The following MBOAT2 variants were observed in gnomAD, a reference collection of about 807,000 sequenced individuals.
MBOAT2 encodes membrane bound glycerophospholipid O-acyltransferase 2.
In MBOAT2, 28 loss-of-function variants were observed where a neutral mutation model predicts 63.4. The observed-to-expected ratio is 0.44, with a 90% CI of 0.33 to 0.61. The LOEUF is 0.61. Among genes scored for constraint, MBOAT2 ranks in the 20% least tolerant of loss-of-function variants. MBOAT2 has a pLI of 0.03. For missense variants in MBOAT2, 470 were observed against 605.8 expected (o/e 0.78, Z 2.35); for synonymous variants, 211 against 215.6 (o/e 0.98, Z 0.19).
intron 1 of MBOAT2, among the ~76,000 whole-genome samples, chr2:8,961,991 G>T (rs1278592066): frequency 6.6e-6 from 1 of 152,094 alleles, no homozygotes; most frequent in Non-Finnish European, 1.5e-5. Context: ...AGAGGGGACT[G>T]TCCTGCAGTC....
rs1191980202 is a variant in MBOAT2 at position 8,954,637 on chromosome 2, G to C, written c.221+3860C>G. On this transcript the variant is annotated intron_variant, in intron 2 of 12. Transcript: ENST00000305997. ...ATTCCAGATGCTTGGAAATCTGCCTGGGCATGGAACAGACAGGATACCCTT... is the reference window on the plus strand; with the variant it reads ...ATTCCAGATGCTTGGAAATCTGCCTCGGCATGGAACAGACAGGATACCCTT... 2.0e-5 allele frequency among the ~76,000 whole-genome samples: 3 copies of C among 152,202 alleles called. No homozygotes were observed. In the South Asian group the frequency reaches 6.2e-4, roughly 31 times the overall value.
intron 11 of MBOAT2, chr2:8,861,220 G>C (rs1173505620): frequency 6.6e-6 from 1 of 152,320 alleles, no homozygotes; most frequent in African/African-American, 2.4e-5. Context: ...CTGCATTTGT[G>C]AAAGACAAAC....
At chr2:8,860,793 G>T in intron 11 of MBOAT2, 29 bp from the exon 12 acceptor site, 1 of 1,518,174 alleles carries the variant, frequency 6.6e-7, no homozygotes, top group Non-Finnish European at 9.0e-7. Flanking sequence ...AACATTTGCT[G>T]TATCTTTAAA....
At chr2:8,861,372 T>C (rs888160348) in intron 11 of MBOAT2, among the ~76,000 whole-genome samples, 7 of 152,178 alleles carry the variant, frequency 4.6e-5, no homozygotes, top group Non-Finnish European at 1.0e-4. Context: ...GTGGTAGAAC[T>C]TGAACACCAG....
chr2:8,862,942 T>C lies in MBOAT2; in HGVS notation c.1053-220A>G, dbSNP rs1194128892. ...GTTAATTCTCATCTTCTTATTGGTATATATAGTATATATATTGGTATATAT... is the reference window on the plus strand; with the variant it reads ...GTTAATTCTCATCTTCTTATTGGTACATATAGTATATATATTGGTATATAT... On this transcript the variant is annotated intron_variant, in intron 10 of 12. Coordinates refer to ENST00000305997, the MANE Select transcript of MBOAT2 (RefSeq NM_138799.4). This position sits in a 1 kb window ranked among gnomAD's most constrained non-coding sequence, Gnocchi z 4.3. Among the ~76,000 whole-genome samples the C allele has an allele frequency of 1.3e-5, 2 of 151,092 alleles. No homozygotes were observed. Among genetic ancestry groups the C allele is most frequent in the Non-Finnish European group, 3.0e-5 (2 of 67,362 alleles).
chr2:8,922,730 G>C (rs1346542578), intron 3 of MBOAT2, among the ~76,000 whole-genome samples: 1 of 152,162 alleles, frequency 6.6e-6, no homozygotes, highest in Non-Finnish European at 1.5e-5. Context: ...CTTTCCCCCA[G>C]GTCCTCTCAG....
At chr2:8,912,395 GAAA>G (rs1665849172) in intron 3 of MBOAT2, among the ~76,000 whole-genome samples, 3 of 144,562 alleles carry the variant, frequency 2.1e-5, no homozygotes, top group African/African-American at 2.6e-5. Flanking sequence ...AAGAAAGAAA[GAAA>G]GAAAGAAAGA....
chr2:8,987,800 T>C (rs551899439), intron 1 of MBOAT2, among the ~76,000 whole-genome samples: 5 of 152,172 alleles, frequency 3.3e-5, no homozygotes, highest in Non-Finnish European at 7.3e-5. Context: ...TGAGCCCAAT[T>C]TTGTTTGAAC....
At chr2:8,883,893 A>G (rs1235982655) in intron 5 of MBOAT2, among the ~76,000 whole-genome samples, 2 of 152,010 alleles carry the variant, frequency 1.3e-5, no homozygotes, top group African/African-American at 4.8e-5. Flanking sequence ...TAAAAAGAAA[A>G]CCATGCCTCA....
chr2:8,997,798 G>A (rs1672411630), intron 1 of MBOAT2, among the ~76,000 whole-genome samples: 1 of 152,166 alleles, frequency 6.6e-6, no homozygotes, highest in Non-Finnish European at 1.5e-5. Context: ...GCACAAGGCT[G>A]GCAGAGTCTG....
intron 3 of MBOAT2, among the ~76,000 whole-genome samples, chr2:8,912,897 C>T (rs1048338728): frequency 5.3e-5 from 8 of 152,050 alleles, no homozygotes; most frequent in Admixed American, 1.3e-4. Flanking sequence ...CAAGACTAAG[C>T]AAAAAGGACA....
At chr2:8,943,555 T>C (rs954323895) in intron 2 of MBOAT2, among the ~76,000 whole-genome samples, 17 of 152,298 alleles carry the variant, frequency 1.1e-4, no homozygotes, top group African/African-American at 3.4e-4. Context: ...CTCAGGATTA[T>C]AGCTTTCTTC....
chr2:8,854,223 T>C lies in MBOAT2; in HGVS notation c.*4456A>G, dbSNP rs1293443361. The C allele has an allele frequency of 6.6e-6, 1 of 152,204 alleles. No individual in the cohort carries two copies. The highest frequency in any genetic ancestry group is 2.4e-5 in the African/African-American group (1 of 41,446). The allele number at this position is 152,204 out of a possible 1,614,324, so 9.4% of individuals were successfully genotyped here. On this transcript the variant is annotated 3_prime_UTR_variant, in exon 13 of 13. Coordinates refer to ENST00000305997, the MANE Select transcript of MBOAT2 (RefSeq NM_138799.4). ...AAATTTCAGGGTGTATTTCTCTCCT[T>C]AAATGCAAATCTTTTGCTTCAGCAT...
At position 8,886,057 on chromosome 2, in the gene MBOAT2, T is replaced by C. The variant is rs534008629; in HGVS notation, c.451+1961A>G. Among the ~76,000 whole-genome samples, 3 of 152,288 alleles carry C rather than the reference T, an allele frequency of 2.0e-5. No individual in the cohort carries two copies. The East Asian group carries it at 5.8e-4, about 29-fold the overall frequency. On this transcript the variant is annotated intron_variant, in intron 5 of 12. Transcript: ENST00000305997. ...TATTTGTGCCAACAATGTGGTTTAT[T>C]CTGAACACCTGCTTTCCTTCTGGGA...
At chr2:8,974,463 C>T (rs1300015732) in intron 1 of MBOAT2, 1 of 456,006 alleles carries the variant, frequency 2.2e-6, no homozygotes, top group African/African-American at 2.0e-5. Flanking sequence ...GAAAGCAGAA[C>T]AGAAAGATTA....
At chr2:8,887,888 A>G in intron 5 of MBOAT2, 130 bp downstream of exon 5, 1 of 825,794 alleles carries the variant, frequency 1.2e-6, no homozygotes, top group Non-Finnish European at 2.1e-6. Flanking sequence ...AAGCACAGTT[A>G]AGTATATTTC....
At chr2:8,967,020 A>G (rs1253957995) in intron 1 of MBOAT2, among the ~76,000 whole-genome samples, 5 of 152,234 alleles carry the variant, frequency 3.3e-5, no homozygotes, top group Admixed American at 3.3e-4. Context: ...GAAGATGAAG[A>G]AACTATAATT....
chr2:8,941,777 A>C (rs542393353), intron 3 of MBOAT2, among the ~76,000 whole-genome samples: 1 of 152,346 alleles, frequency 6.6e-6, no homozygotes, highest in African/African-American at 2.4e-5. Flanking sequence ...ACAGGTCTAA[A>C]GTATTACAAA....
intron 3 of MBOAT2, among the ~76,000 whole-genome samples, chr2:8,910,639 A>C (rs1052831317): frequency 6.6e-6 from 1 of 152,186 alleles, no homozygotes; most frequent in African/African-American, 2.4e-5. Flanking sequence ...TAGATAAAAA[A>C]AAGTTTTTAA....
Sources: gnomAD v4.1 joint callset for allele counts (sites outside exome capture counted in the v4.1 genomes callset) on GRCh38, gnomAD v4.1.1 for gene constraint, Gnocchi (gnomAD v3.1) non-coding constraint, MANE v1.5 for transcripts, NCBI Gene and HGNC (gene_info 2026-07-23, HGNC 2026-07-21) for gene names.